Variants in DOCK6 observed in about 807,000 individuals in gnomAD.
DOCK6 encodes the protein dedicator of cytokinesis 6, also known as dedicator of cytokinesis protein 6.
Under a neutral mutation model 230.3 loss-of-function variants are expected in DOCK6, and 167 were observed. The observed-to-expected ratio is 0.73, with a 90% CI of 0.64 to 0.82. DOCK6 has a LOEUF of 0.82. DOCK6 is among the 40% of genes least tolerant of loss of function. DOCK6 has a pLI of 0.00. For missense variants in DOCK6, 2,598 were observed against 2,825.8 expected, an observed-to-expected ratio of 0.92 and a Z score of 1.83; for synonymous variants, 1,148 against 1,185.0, an observed-to-expected ratio of 0.97 and a Z score of 0.64.
At chr19:11,257,152 A>AATAATT in intron 1 of DOCK6, among the ~76,000 whole-genome samples, 1 of 146,712 alleles carries the variant, frequency 6.8e-6, no homozygotes, top group Non-Finnish European at 1.5e-5. Context: ...ATGCTTGGCT[A>AATAATT]ATTATTATTA....
intron 7 of DOCK6, 71 bp from the exon 8 acceptor site, chr19:11,245,949 A>C: frequency 6.5e-7 from 1 of 1,528,600 alleles, no homozygotes; most frequent in Non-Finnish European, 8.9e-7. Flanking sequence ...CTCCCTCTTG[A>C]GGCCCAAGGT....
chr19:11,214,224 C>A, intron 34 of DOCK6, 51 bp downstream of exon 34: 1 of 1,545,404 alleles, frequency 6.5e-7, no homozygotes, highest in Non-Finnish European at 8.8e-7. Context: ...TGTGCTCAGC[C>A]TAGAGCTGCT....
intron 22 of DOCK6, among the ~76,000 whole-genome samples, chr19:11,230,024 A>G (rs1012167999): frequency 7.0e-6 from 1 of 142,244 alleles, no homozygotes; most frequent in African/African-American, 2.7e-5. Context: ...AGCTTGGGTG[A>G]CAGAGCAAGA....
intron 21 of DOCK6, 67 bp downstream of exon 21, chr19:11,235,531 G>A (rs978645608): frequency 8.3e-6 from 12 of 1,453,952 alleles, no homozygotes; most frequent in South Asian, 1.4e-5. Context: ...GATTACAGGC[G>A]TGAGCCACCG....
chr19:11,246,001 T>C, intron 7 of DOCK6, 123 bp from the exon 8 acceptor site: 1 of 1,085,838 alleles, frequency 9.2e-7, no homozygotes, highest in Non-Finnish European at 1.3e-6. Flanking sequence ...GAACCGCCAC[T>C]TAAGGGCTTG....
chr19:11,260,896 G>A (rs12982897), intron 1 of DOCK6, among the ~76,000 whole-genome samples: 371 of 50,036 alleles, frequency 7.4e-3, no homozygotes, highest in Middle Eastern at 0.045. Flanking sequence ...AAAAAAAAAA[G>A]AAAGAAAGAA....
At position 11,204,238 on chromosome 19, in the gene DOCK6, C is replaced by G. The variant is rs771718350; in HGVS notation, c.5182G>C (p.Gly1728Arg). The G allele has an allele frequency of 1.3e-6, 2 of 1,580,358 alleles. No homozygotes were observed. The highest frequency in any genetic ancestry group is 2.3e-5 in the South Asian group (2 of 87,160). The change falls in exon 40 of 48, where the codon GGC (glycine) becomes CGC (arginine). Residue 1728 changes from glycine to arginine, a missense_variant. By Grantham distance (125) the Gly-to-Arg change is moderately radical. Coordinates refer to ENST00000294618, the MANE Select transcript of DOCK6 (RefSeq NM_020812.4). ...TTGGTGAAGGCCTCCTGCAGTTTGC[C>G]GTGCACCGCGGCCAGCTTCTTGTAG... The part of the protein sequence containing the change: ...RDYKKLAAVH[G>R]KLQEAFTKIM...
At position 11,250,547 on chromosome 19, in the gene DOCK6, C is replaced by T. The variant is rs1046049247; in HGVS notation, c.720+327G>A. ...CTGGTCTTGAACTCCTGGCCTCAAG[C>T]GATCTGCCCACCTCAGCCTCCCAAA... is the stretch of plus-strand genomic sequence containing the variant. On this transcript the variant is annotated intron_variant, in intron 6 of 47. Transcript: ENST00000294618. Among the ~76,000 whole-genome samples, 36 of 151,178 alleles carry T rather than the reference C, an allele frequency of 2.4e-4. 1 individual carries two copies. The highest frequency in any genetic ancestry group is 2.7e-4 in the African/African-American group (11 of 41,182).
Position 11,200,580 on chromosome 19 carries a change from T to G in DOCK6, c.5940-111A>C. The stretch of plus-strand genomic sequence containing the variant: ...ACCAGGCCTGCAGAAAGACCCGCAA[T>G]AGGAGGTCAGGTTGGGAGAGTGGAC... On this transcript the variant is annotated intron_variant, in intron 46 of 47. Coordinates refer to ENST00000294618, the MANE Select transcript of DOCK6 (RefSeq NM_020812.4). The surrounding 1 kb of genome is among the most constrained non-coding windows in gnomAD (Gnocchi z 4.3). 6.6e-7 allele frequency: 1 copy of G among 1,518,370 alleles called. No individual in the cohort carries two copies. The highest frequency in any genetic ancestry group is 1.4e-5 in the African/African-American group (1 of 72,594). The allele number at this position is 1,518,370 out of a possible 1,614,324, so 94.1% of individuals were successfully genotyped here. A position where few individuals can be genotyped will look rare whatever the true frequency, so the allele number is the denominator to read the frequency against.
chr19:11,259,775 G>A (rs544697741), intron 1 of DOCK6, among the ~76,000 whole-genome samples: 92 of 150,478 alleles, frequency 6.1e-4, no homozygotes, highest in African/African-American at 2.1e-3. Flanking sequence ...TAGAGACGGA[G>A]TTTCACCATG....
intron 24 of DOCK6, among the ~76,000 whole-genome samples, chr19:11,224,486 C>T (rs2079633506): frequency 6.6e-6 from 1 of 152,092 alleles, no homozygotes; most frequent in Non-Finnish European, 1.5e-5. Flanking sequence ...GTTGGGATTA[C>T]AGGCGTGAGC....
chr19:11,241,128 C>A (rs1000036199), intron 14 of DOCK6, among the ~76,000 whole-genome samples: 1 of 151,918 alleles, frequency 6.6e-6, no homozygotes, highest in Non-Finnish European at 1.5e-5. Context: ...TGCCTGTAGT[C>A]CCAGCTACTC....
In DOCK6 at chr19:11,202,366, A is replaced by G. The variant is rs1280558981; in HGVS notation, c.5451+28T>C. The stretch of plus-strand genomic sequence containing the variant: ...CACTTGGAGTCTCTGTGAATCTAAG[A>G]TTTTGGGGAAATGGTTGGGGGACCC... On this transcript the variant is annotated intron_variant, in intron 43 of 47. Transcript: ENST00000294618. This position sits in a 1 kb window ranked among gnomAD's most constrained non-coding sequence, Gnocchi z 5.3. 5.0e-6 allele frequency: 8 copies of G among 1,608,146 alleles called. No homozygotes were observed. Among genetic ancestry groups the G allele is most frequent in the Non-Finnish European group, 6.8e-6 (8 of 1,177,126 alleles).
chr19:11,209,138 A>G, intron 37 of DOCK6, 35 bp from the exon 38 acceptor site: 2 of 1,585,846 alleles, frequency 1.3e-6, no homozygotes, highest in South Asian at 1.1e-5. Flanking sequence ...TGAGGAGGGG[A>G]CTCACCTGGT....
rs183297623 is a variant in DOCK6, at chr19:11,244,636, T to C, written c.1024-754A>G. Among the ~76,000 whole-genome samples, 141 of 152,046 alleles carry C rather than the reference T, an allele frequency of 9.3e-4. 1 individual carries two copies. The highest frequency in any genetic ancestry group is 3.3e-3 in the African/African-American group (137 of 41,454). On this transcript the variant is annotated intron_variant, in intron 9 of 47. Coordinates refer to ENST00000294618, the MANE Select transcript of DOCK6 (RefSeq NM_020812.4). ...CTACTACGTCCCGCTAATTTTTGTA[T>C]TTTTAGTAGAGACGAGGTTTCACCA...
At chr19:11,254,974 C>G (rs2043301) in intron 1 of DOCK6, among the ~76,000 whole-genome samples, 2 of 151,984 alleles carry the variant, frequency 1.3e-5, no homozygotes, top group Non-Finnish European at 2.9e-5. Context: ...TGTGTGTCCC[C>G]CAAAGAGGGC....
Position 11,221,926 on chromosome 19 carries a change from C to G in DOCK6, c.3475G>C (p.Ala1159Pro). 1.2e-6 allele frequency: 2 copies of G among 1,613,572 alleles called. No individual in the cohort carries two copies. The highest frequency in any genetic ancestry group is 2.7e-5 in the African/African-American group (2 of 75,020). The change falls in exon 28 of 48, where the codon GCT becomes CCT. Residue 1159 changes from alanine (A) to proline (P), a missense_variant. Ala to Pro is a conservative substitution (Grantham distance 27, BLOSUM62 -1). Coordinates refer to ENST00000294618, the MANE Select transcript of DOCK6 (RefSeq NM_020812.4). ...GGCAGGTACAGCTCGGCCACACGAG[C>G]CTTCACAGTGGCCTCGGCGTAGCGG... ...DPRYAEATVK[A>P]RVAELYLPLL...
chr19:11,253,617 G>A, intron 2 of DOCK6, 22 bp downstream of exon 2: 1 of 1,378,432 alleles, frequency 7.3e-7, no homozygotes, highest in Non-Finnish European at 9.4e-7. Context: ...GAGGGCTGGG[G>A]GCGGACCCCC....
chr19:11,202,898 T>C lies in DOCK6; in HGVS notation c.5236-189A>G, dbSNP rs910481264. On this transcript the variant is annotated intron_variant, in intron 41 of 47. Transcript: ENST00000294618. The surrounding 1 kb of genome is among the most constrained non-coding windows in gnomAD (Gnocchi z 5.3). ...CAATAGGAAGTTAGGACTGGGGCTG[T>C]ATTGTTTACGGGTGTGTCCCTAATG... 1.3e-5 allele frequency among the ~76,000 whole-genome samples: 2 copies of C among 152,070 alleles called. No individual in the cohort carries two copies. The highest frequency in any genetic ancestry group is 1.3e-4 in the Admixed American group (2 of 15,262).
Sources: gnomAD v4.1 joint callset for allele counts (sites outside exome capture counted in the v4.1 genomes callset) on GRCh38, gnomAD v4.1.1 for gene constraint, Gnocchi (gnomAD v3.1) non-coding constraint, MANE v1.5 for transcripts, NCBI Gene and HGNC (gene_info 2026-07-23, HGNC 2026-07-21) for gene names.